The following TDP2 variants were observed in gnomAD, a reference collection of about 807,000 sequenced individuals.
TDP2 encodes 5'-Tyr-DNA phosphodiesterase.
In TDP2, 38 loss-of-function variants were observed where a neutral mutation model predicts 42.8. The observed-to-expected ratio is 0.89, with a 90% CI of 0.68 to 1.16. The LOEUF is 1.16. Ranked by LOEUF, TDP2 falls within the 50% of genes most tolerant of loss-of-function variation. The pLI is 0.00. For synonymous variants in TDP2, 173 were observed against 150.6 expected (o/e 1.15, Z -1.09); for missense variants, 439 against 439.3 (o/e 1.00, Z 0.01).
chr6:24,654,153 T>TA (rs1389935041), intron 5 of TDP2, among the ~76,000 whole-genome samples: 1 of 152,178 alleles, frequency 6.6e-6, no homozygotes, highest in Non-Finnish European at 1.5e-5. Flanking sequence ...GAGTAGAAAG[T>TA]AAAAACATTA....
intron 2 of TDP2, among the ~76,000 whole-genome samples, chr6:24,664,207 T>C (rs1778196073): frequency 6.6e-6 from 1 of 152,212 alleles, no homozygotes; most frequent in African/African-American, 2.4e-5. Context: ...AGATTCTGCA[T>C]GTCTAACAAA....
At chr6:24,664,073 G>A (rs1000562653) in intron 2 of TDP2, among the ~76,000 whole-genome samples, 1 of 152,316 alleles carries the variant, frequency 6.6e-6, no homozygotes, top group East Asian at 1.9e-4. Flanking sequence ...AGAGGAGGAA[G>A]TGCTTTTGTC....
At position 24,666,537 on chromosome 6, in the gene TDP2, C is replaced by G; in HGVS notation, c.240G>C (p.Glu80Asp). The G allele has an allele frequency of 1.9e-6, 3 of 1,614,078 alleles. No individual in the cohort carries two copies. The highest frequency in any genetic ancestry group is 2.5e-6 in the Non-Finnish European group (3 of 1,179,926). ...CCCTCATCACTTACTAGGTCTTGGG[C>G]TCAGAGATGGTTTCAGGTCGGCGTT... ...ALERRPETIS[E>D]PKTYVDLTNE... The change falls in exon 2 of 7, where the codon GAG becomes GAC. Residue 80 changes from glutamate (E) to aspartate (D), a missense_variant. Transcript: ENST00000378198.
At chr6:24,661,889 G>C (rs1778155438) in intron 2 of TDP2, among the ~76,000 whole-genome samples, 1 of 152,060 alleles carries the variant, frequency 6.6e-6, no homozygotes, top group Non-Finnish European at 1.5e-5. Flanking sequence ...ACTCCATTTT[G>C]ATCTGTACTA....
In TDP2 at chr6:24,654,241, T is replaced by C. The variant is rs1301277906; in HGVS notation, c.636+171A>G. 1.9e-5 allele frequency: 8 copies of C among 417,690 alleles called. No individual in the cohort carries two copies. In the Admixed American group the frequency reaches 3.0e-4, roughly 16 times the overall value. 25.9% of individuals were successfully genotyped at this position (417,690 alleles called of 1,614,324 possible). On this transcript the variant is annotated intron_variant, in intron 5 of 6. Transcript: ENST00000378198. Reference sequence around the variant, plus strand: ...AATAGACTGAGAATTCTATCTGCATTTAAAATTTATGTAAAAAATTAATTT... The same window carrying C: ...AATAGACTGAGAATTCTATCTGCATCTAAAATTTATGTAAAAAATTAATTT...
In TDP2 at chr6:24,650,720, C is replaced by T. The variant is rs895673491; in HGVS notation, c.*68G>A. ...AGTACATTATTTCCTCCACAGCAAA[C>T]CTACCTTTCCAGAAGGTGGAAATTG... On this transcript the variant is annotated 3_prime_UTR_variant, in exon 7 of 7. Transcript: ENST00000378198. 2 of 1,519,100 alleles carry T rather than the reference C, an allele frequency of 1.3e-6. No individual in the cohort carries two copies. The highest frequency in any genetic ancestry group is 2.8e-5 in the African/African-American group (2 of 72,328). The allele number at this position is 1,519,100 out of a possible 1,614,324, so 94.1% of individuals were successfully genotyped here.
At chr6:24,662,569 C>T (rs1438942260) in intron 2 of TDP2, among the ~76,000 whole-genome samples, 1 of 151,762 alleles carries the variant, frequency 6.6e-6, no homozygotes, top group Non-Finnish European at 1.5e-5. Flanking sequence ...CCATTACCCT[C>T]TAGTCCTGTC....
At chr6:24,656,476 G>A (rs1332039662) in intron 4 of TDP2, among the ~76,000 whole-genome samples, 3 of 151,806 alleles carry the variant, frequency 2.0e-5, no homozygotes, top group African/African-American at 7.3e-5. Flanking sequence ...GAGGGAGAGG[G>A]AAAAGGATTT....
chr6:24,661,302 G>A (rs989550866), intron 2 of TDP2, among the ~76,000 whole-genome samples: 4 of 152,128 alleles, frequency 2.6e-5, no homozygotes, highest in African/African-American at 9.7e-5. Flanking sequence ...TATCAGTATG[G>A]GTTCTTTTTT....
At chr6:24,657,932 T>C in intron 3 of TDP2, 29 bp from the exon 4 acceptor site, 1 of 1,375,456 alleles carries the variant, frequency 7.3e-7, no homozygotes, top group Non-Finnish European at 1.0e-6. Flanking sequence ...TTATGACAAA[T>C]ACCAAGTATA....
intron 4 of TDP2, 90 bp downstream of exon 4, chr6:24,657,722 T>A: frequency 1.7e-6 from 1 of 600,212 alleles, no homozygotes; most frequent in East Asian, 3.2e-5. Flanking sequence ...TGCTTTTTCC[T>A]CTCTATGTCC....
chr6:24,651,056 C>T lies in TDP2; in HGVS notation c.821G>A (p.Gly274Asp). 6.2e-7 allele frequency: 1 copy of T among 1,611,158 alleles called. No individual in the cohort carries two copies. The highest frequency in any genetic ancestry group is 8.5e-7 in the Non-Finnish European group (1 of 1,178,610). The stretch of plus-strand genomic sequence containing the variant: ...ATCCACAATGTTGTTGGGTAAACCA[C>T]CACATCTGGTAACCTGAAAAGAAGA... Reference protein sequence around the residue: ...NLRDREVTRCGGLPNNIVDVW... With the variant: ...NLRDREVTRCDGLPNNIVDVW... Residue 274 changes from glycine to aspartate, a missense_variant, in exon 7 of 7, where the codon GGT becomes GAT. Transcript: ENST00000378198.
rs751347138 is a variant in TDP2 at position 24,651,039 on chromosome 6, T to C, written c.838A>G (p.Ile280Val). 7 of 1,612,916 alleles carry C rather than the reference T, an allele frequency of 4.3e-6. No individual in the cohort carries two copies. In the South Asian group the frequency reaches 4.4e-5, roughly 10 times the overall value. The change falls in exon 7 of 7, where the codon ATT becomes GTT. Residue 280 changes from isoleucine (I) to valine (V), a missense_variant. Physicochemically the swap from Ile to Val is conservative, Grantham distance 29. Transcript: ENST00000378198. ...VTRCGGLPNN[I>V]VDVWEFLGKP... ...CCCAAAAACTCCCAGACATCCACAA[T>C]GTTGTTGGGTAAACCACCACATCTG...
At chr6:24,651,444 T>C (rs1192193183) in intron 6 of TDP2, among the ~76,000 whole-genome samples, 2 of 152,224 alleles carry the variant, frequency 1.3e-5, no homozygotes, top group Admixed American at 6.5e-5. Flanking sequence ...TTCAGAAGTA[T>C]AGCATTCATA....
intron 2 of TDP2, 33 bp downstream of exon 2, chr6:24,666,493 T>C: frequency 6.2e-7 from 1 of 1,606,428 alleles, no homozygotes; most frequent in East Asian, 2.2e-5. Context: ...ACTGCCTCCG[T>C]GCGGACTGGC....
In TDP2 at chr6:24,650,461, G is replaced by C. The variant is rs1777953118; in HGVS notation, c.*327C>G. ...CTTATTTCAAATATTAACTATTTCG[G>C]TGCCTGAATGGAAAAATATAAACAT... On this transcript the variant is annotated 3_prime_UTR_variant, in exon 7 of 7. Coordinates refer to ENST00000378198, the MANE Select transcript of TDP2 (RefSeq NM_016614.3). 4.4e-6 allele frequency: 1 copy of C among 229,200 alleles called. No individual in the cohort carries two copies. Among genetic ancestry groups the C allele is most frequent in the Non-Finnish European group, 8.5e-6 (1 of 117,928 alleles). The allele number at this position is 229,200 out of a possible 1,614,324, so 14.2% of individuals were successfully genotyped here.
Position 24,650,960 on chromosome 6 carries a change from C to G in TDP2, c.917G>C (p.Gly306Ala). ...ACGAAGTTTACAAGCAGCAGTTATTCCAAGATTAGAGTTCATTTGTGTATC... is the reference window on the plus strand; with the variant it reads ...ACGAAGTTTACAAGCAGCAGTTATTGCAAGATTAGAGTTCATTTGTGTATC... ...TWDTQMNSNL[G>A]ITAACKLRFD... The change falls in exon 7 of 7, where the codon GGA (glycine) becomes GCA (alanine). Residue 306 changes from glycine to alanine, a missense_variant. Coordinates refer to ENST00000378198, the MANE Select transcript of TDP2 (RefSeq NM_016614.3). 8 of 1,614,106 alleles carry G rather than the reference C, an allele frequency of 5.0e-6. No homozygotes were observed. Among genetic ancestry groups the G allele is most frequent in the Non-Finnish European group, 5.9e-6 (7 of 1,180,002 alleles).
At chr6:24,657,292 T>C (rs1455477573) in intron 4 of TDP2, among the ~76,000 whole-genome samples, 1 of 152,140 alleles carries the variant, frequency 6.6e-6, no homozygotes, top group Non-Finnish European at 1.5e-5. Flanking sequence ...TTGGTATCCA[T>C]TGAGGAACCC....
intron 2 of TDP2, chr6:24,665,863 G>A: frequency 2.5e-6 from 1 of 393,638 alleles, no homozygotes; most frequent in Non-Finnish European, 4.4e-6. Context: ...ATATTAGCAA[G>A]GAAGGGAAAA....
Sources: gnomAD v4.1 joint callset for allele counts (sites outside exome capture counted in the v4.1 genomes callset) on GRCh38, gnomAD v4.1.1 for gene constraint, MANE v1.5 for transcripts, NCBI Gene and HGNC (gene_info 2026-07-23, HGNC 2026-07-21) for gene names.